Variants in XRCC5 observed in about 807,000 individuals in gnomAD.
The protein encoded by XRCC5 is X-ray repair cross complementing 5, also known as DNA repair protein Ku80.
Under a neutral mutation model 95.7 loss-of-function variants are expected in XRCC5, and 12 were observed. The ratio of observed to expected loss-of-function variants is 0.13; its 90% confidence interval spans 0.08 to 0.20. The LOEUF is 0.20. XRCC5 is among the 10% of genes least tolerant of loss of function. XRCC5 has a pLI of 1.00. For missense variants in XRCC5, 595 were observed against 873.9 expected (o/e 0.68, Z 4.02); for synonymous variants, 281 against 290.3 (o/e 0.97, Z 0.33).
chr2:216,164,149 T>C (rs1409622180), intron 16 of XRCC5, among the ~76,000 whole-genome samples: 1 of 152,240 alleles, frequency 6.6e-6, no homozygotes, highest in African/African-American at 2.4e-5. Context: ...GAGATGCTGC[T>C]GTGACAAGTC....
chr2:216,122,753 G>GAA (rs145039527), intron 6 of XRCC5, among the ~76,000 whole-genome samples: 2 of 132,358 alleles, frequency 1.5e-5, no homozygotes, highest in Admixed American at 7.6e-5. Context: ...TTGATTGAGT[G>GAA]AAAAAAAAAA....
chr2:216,123,163 G>A (rs1056877175), intron 6 of XRCC5, among the ~76,000 whole-genome samples: 2 of 152,152 alleles, frequency 1.3e-5, no homozygotes, highest in African/African-American at 2.4e-5. Context: ...GGCTGTTTAA[G>A]CACATTGAAG....
chr2:216,137,367 C>G lies in XRCC5; in HGVS notation c.1251+142C>G, dbSNP rs987529566. On this transcript the variant is annotated intron_variant, in intron 11 of 20. Transcript: ENST00000392132. ...TCATTGTGTAGTTCTGGGGCAGGGC[C>G]CAGATTCTCTGTTTCTCTCGAGAAA... 6.2e-6 allele frequency: 6 copies of G among 962,714 alleles called. No individual in the cohort carries two copies. In the East Asian group the frequency reaches 1.5e-4, roughly 24 times the overall value. The allele number at this position is 962,714 out of a possible 1,614,324, so 59.6% of individuals were successfully genotyped here.
chr2:216,172,143 C>T (rs1023202803), intron 16 of XRCC5, among the ~76,000 whole-genome samples: 3 of 152,088 alleles, frequency 2.0e-5, no homozygotes, highest in East Asian at 1.9e-4. Context: ...TTGGGCCTGA[C>T]GAGTTGTAAA....
At chr2:216,164,943 AAT>A (rs919513483) in intron 16 of XRCC5, among the ~76,000 whole-genome samples, 2 of 152,172 alleles carry the variant, frequency 1.3e-5, no homozygotes, top group African/African-American at 4.8e-5. Context: ...ATCTTAGGAA[AAT>A]ATGTCTTACC....
At chr2:216,204,982 T>C (rs1429520180) in intron 20 of XRCC5, among the ~76,000 whole-genome samples, 1 of 152,236 alleles carries the variant, frequency 6.6e-6, no homozygotes, top group East Asian at 1.9e-4. Flanking sequence ...CGTACTATGA[T>C]GTCAATCTTT....
At chr2:216,158,909 AT>A (rs1688896610) in intron 14 of XRCC5, among the ~76,000 whole-genome samples, 1 of 152,284 alleles carries the variant, frequency 6.6e-6, no homozygotes, top group African/African-American at 2.4e-5. Flanking sequence ...CATTTTTAAA[AT>A]AACTTCATTT....
intron 14 of XRCC5, among the ~76,000 whole-genome samples, chr2:216,154,369 A>G (rs1688804210): frequency 6.6e-6 from 1 of 152,238 alleles, no homozygotes. Context: ...GGTTGTTGCA[A>G]AATTTAACTG....
At chr2:216,112,986 C>T (rs1696615914) in intron 1 of XRCC5, 30 bp from the exon 2 acceptor site, 1 of 1,560,120 alleles carries the variant, frequency 6.4e-7, no homozygotes, top group African/African-American at 1.4e-5. Context: ...GACTTATTTT[C>T]TCAAACACTC....
intron 7 of XRCC5, among the ~76,000 whole-genome samples, chr2:216,127,169 G>A (rs558132081): frequency 6.6e-6 from 1 of 152,212 alleles, no homozygotes; most frequent in South Asian, 2.1e-4. Flanking sequence ...AATCCCGGGA[G>A]GCGGAGGTTG....
At chr2:216,119,466 A>T (rs1196827835) in intron 5 of XRCC5, among the ~76,000 whole-genome samples, 3 of 152,176 alleles carry the variant, frequency 2.0e-5, no homozygotes, top group South Asian at 2.1e-4. Context: ...CCCTTTGAGG[A>T]TATTCAATTT....
In XRCC5 at chr2:216,177,322, T is replaced by G. The variant is rs967204575; in HGVS notation, c.1835-12903T>G. Among the ~76,000 whole-genome samples, 9 of 152,334 alleles carry G rather than the reference T, an allele frequency of 5.9e-5. No individual in the cohort carries two copies. The South Asian group carries it at 1.7e-3, about 28-fold the overall frequency. The stretch of plus-strand genomic sequence containing the variant: ...ACCTTGTGTGCTAGTGAGACCTTTA[T>G]GATTTTGGTCTCACCTAGCTAAACC... On this transcript the variant is annotated intron_variant, in intron 16 of 20. Coordinates refer to ENST00000392132, the MANE Select transcript of XRCC5 (RefSeq NM_021141.4).
chr2:216,141,354 T>C (rs1176127287), intron 13 of XRCC5, 35 bp downstream of exon 13: 1 of 1,612,496 alleles, frequency 6.2e-7, no homozygotes, highest in Non-Finnish European at 8.5e-7. Context: ...CATATTTCTT[T>C]TAAATGAAAG....
chr2:216,136,618 A>G (rs1256876369), intron 10 of XRCC5, among the ~76,000 whole-genome samples: 7 of 152,202 alleles, frequency 4.6e-5, no homozygotes, highest in Non-Finnish European at 1.0e-4. Context: ...GGAGTTGGCA[A>G]TTAGAAGGTG....
At chr2:216,171,160 A>G (rs575058179) in intron 16 of XRCC5, among the ~76,000 whole-genome samples, 96 of 152,372 alleles carry the variant, frequency 6.3e-4, no homozygotes, top group African/African-American at 2.0e-3. Flanking sequence ...ATGTGTTAAG[A>G]GGAGCCAAGA....
intron 1 of XRCC5, among the ~76,000 whole-genome samples, chr2:216,111,675 T>TC (rs1232629437): frequency 1.3e-5 from 2 of 152,240 alleles, no homozygotes; most frequent in African/African-American, 4.8e-5. Flanking sequence ...TCATTTGTAA[T>TC]TAATTTTCCT....
chr2:216,160,663 C>CTTAATTAATTAA (rs34464036), intron 15 of XRCC5, among the ~76,000 whole-genome samples: 2 of 150,536 alleles, frequency 1.3e-5, no homozygotes, highest in East Asian at 3.9e-4. Flanking sequence ...AAAATACTAC[C>CTTAATTAATTAA]TTAATTAATT....
intron 5 of XRCC5, among the ~76,000 whole-genome samples, chr2:216,120,850 C>T (rs1460207837): frequency 6.6e-6 from 1 of 152,192 alleles, no homozygotes; most frequent in East Asian, 1.9e-4. Context: ...GTTCTCCTAT[C>T]TCAGCCTCCC....
chr2:216,116,862 G>C lies in XRCC5; in HGVS notation c.319+20G>C, dbSNP rs771822784. 1 of 1,609,720 alleles carries C rather than the reference G, an allele frequency of 6.2e-7. No homozygotes were observed. Among genetic ancestry groups the C allele is most frequent in the South Asian group, 1.1e-5 (1 of 90,802 alleles). On this transcript the variant is annotated intron_variant, in intron 3 of 20. Transcript: ENST00000392132. ...CTGACTGTATCCTTTTTCTGCCAGAGAAGACTTTAAGAAATTTCCTTTATT... is the reference window on the plus strand; with the variant it reads ...CTGACTGTATCCTTTTTCTGCCAGACAAGACTTTAAGAAATTTCCTTTATT...
Sources: allele counts gnomAD v4.1 joint callset (sites outside exome capture counted in the v4.1 genomes callset), GRCh38; gene constraint gnomAD v4.1.1; transcripts MANE v1.5; gene names NCBI Gene and HGNC (gene_info 2026-07-23, HGNC 2026-07-21).